The following RERE variants were observed in gnomAD, a reference collection of about 807,000 sequenced individuals.
RERE encodes arginine-glutamic acid dipeptide repeats protein.
A neutral mutation model predicts 146.1 loss-of-function variants in RERE; 40 were observed. The observed-to-expected ratio is 0.27, with a 90% CI of 0.21 to 0.36. The LOEUF is 0.36. Among genes scored for constraint, RERE ranks in the 10% least tolerant of loss-of-function variants. RERE has a pLI of 1.00. For synonymous variants in RERE, 1,003 were observed against 866.0 expected, an observed-to-expected ratio of 1.16 and a Z score of -2.78; for missense variants, 1,933 against 2,138.7, an observed-to-expected ratio of 0.90 and a Z score of 1.90.
rs3082094 is a variant in RERE, at chr1:8,601,626, CCACACACACACA to C, written c.522+12923_522+12934del. On this transcript the variant is annotated intron_variant, in intron 4 of 22. Coordinates refer to ENST00000400908, the MANE Select transcript of RERE (RefSeq NM_001042681.2). Reference sequence around the variant, plus strand: ...CCAACTGCCTTCATGTCCAAGGTCACCACACACACACACACACACACACACACACACACACAC... The same window carrying C: ...CCAACTGCCTTCATGTCCAAGGTCACCACACACACACACACACACACACAC... Among the ~76,000 whole-genome samples the C allele has an allele frequency of 5.7e-3, 539 of 94,958 alleles. 1 individual carries two copies. Among genetic ancestry groups the C allele is most frequent in the African/African-American group, 0.01 (231 of 22,912 alleles). The allele number at this position is 94,958 out of a possible 152,430, so 62.3% of individuals were successfully genotyped here. A position where few individuals can be genotyped will look rare whatever the true frequency, so the allele number is the denominator to read the frequency against.
intron 1 of RERE, among the ~76,000 whole-genome samples, chr1:8,715,801 G>A (rs1369964570): frequency 6.6e-6 from 1 of 151,656 alleles, no homozygotes; most frequent in African/African-American, 2.4e-5. Flanking sequence ...CTACTCAGGA[G>A]ACTAAGGCAG....
At chr1:8,811,457 C>A (rs1335700347) in intron 1 of RERE, among the ~76,000 whole-genome samples, 1 of 152,166 alleles carries the variant, frequency 6.6e-6, no homozygotes. Context: ...AAAAAATTAG[C>A]CAGGTGTAGT....
At chr1:8,405,666 G>T (rs1358490855) in intron 12 of RERE, among the ~76,000 whole-genome samples, 3 of 152,182 alleles carry the variant, frequency 2.0e-5, no homozygotes, top group Non-Finnish European at 4.4e-5. Context: ...TCGAGACGGA[G>T]TCTCACTCTG....
At chr1:8,762,475 T>C (rs1211271645) in intron 1 of RERE, among the ~76,000 whole-genome samples, 1 of 152,182 alleles carries the variant, frequency 6.6e-6, no homozygotes, top group Non-Finnish European at 1.5e-5. Context: ...AACATACAAA[T>C]TGTGAAGACT....
At chr1:8,738,283 C>G (rs1428868362) in intron 1 of RERE, among the ~76,000 whole-genome samples, 4 of 151,418 alleles carry the variant, frequency 2.6e-5, no homozygotes, top group African/African-American at 2.4e-5. Flanking sequence ...TGTTGTTGTT[C>G]TTTTTTTTTA....
At chr1:8,612,146 C>T (rs1289238477) in intron 4 of RERE, among the ~76,000 whole-genome samples, 2 of 152,192 alleles carry the variant, frequency 1.3e-5, no homozygotes, top group African/African-American at 4.8e-5. Flanking sequence ...TCAATGCTAT[C>T]CTATAAAAAC....
intron 1 of RERE, among the ~76,000 whole-genome samples, chr1:8,764,846 T>A (rs977363195): frequency 1.3e-5 from 2 of 152,166 alleles, no homozygotes; most frequent in Admixed American, 1.3e-4. Context: ...ACCCAGATAG[T>A]AAGTATTAGT....
chr1:8,460,083 C>A (rs983844351), intron 11 of RERE, among the ~76,000 whole-genome samples: 1 of 152,214 alleles, frequency 6.6e-6, no homozygotes, highest in Non-Finnish European at 1.5e-5. Flanking sequence ...CCTCCACAAC[C>A]TCCTGCTGCT....
At chr1:8,407,703 G>T (rs973506835) in intron 12 of RERE, among the ~76,000 whole-genome samples, 1 of 152,164 alleles carries the variant, frequency 6.6e-6, no homozygotes, top group African/African-American at 2.4e-5. Flanking sequence ...GGGGATGACT[G>T]CTGAGCTGAT....
At chr1:8,443,638 A>G (rs1231795180) in intron 11 of RERE, among the ~76,000 whole-genome samples, 1 of 152,182 alleles carries the variant, frequency 6.6e-6, no homozygotes, top group Non-Finnish European at 1.5e-5. Flanking sequence ...AGCCCCTCCC[A>G]TCATAGGATG....
At chr1:8,441,021 G>C (rs940616406) in intron 11 of RERE, among the ~76,000 whole-genome samples, 1 of 101,008 alleles carries the variant, frequency 9.9e-6, no homozygotes, top group Non-Finnish European at 1.9e-5. Flanking sequence ...GGGGTGGGGG[G>C]GCTGTTTTGC....
intron 10 of RERE, among the ~76,000 whole-genome samples, chr1:8,479,091 A>G (rs551431806): frequency 6.6e-6 from 1 of 152,236 alleles, no homozygotes; most frequent in East Asian, 1.9e-4. Context: ...CACACTTTAA[A>G]TAAGTCATAA....
rs373765149 is a variant in RERE, at chr1:8,545,308, C to T, written c.726-3990G>A. 9.5e-4 allele frequency among the ~76,000 whole-genome samples: 145 copies of T among 152,304 alleles called. 7 individuals carry two copies. The South Asian group carries it at 0.03, about 31-fold the overall frequency. On this transcript the variant is annotated intron_variant, in intron 6 of 22. Coordinates refer to ENST00000400908, the MANE Select transcript of RERE (RefSeq NM_001042681.2). ...AAGGCGTCCCGGAAATGACTCATTT[C>T]AGTAATCCTTCCGAGTGGGGCGGGC...
chr1:8,380,004 T>C (rs1642391230), intron 12 of RERE, among the ~76,000 whole-genome samples: 1 of 152,170 alleles, frequency 6.6e-6, no homozygotes, highest in Admixed American at 6.5e-5. Context: ...TCACCACTGT[T>C]GTCATGATGG....
At chr1:8,724,795 C>CTCCA (rs1639926859) in intron 1 of RERE, among the ~76,000 whole-genome samples, 1 of 149,646 alleles carries the variant, frequency 6.7e-6, no homozygotes, top group Non-Finnish European at 1.5e-5. Context: ...CACCACTGCA[C>CTCCA]TCCAGCCTGG....
chr1:8,448,290 C>T (rs1644347660), intron 11 of RERE, among the ~76,000 whole-genome samples: 1 of 152,188 alleles, frequency 6.6e-6, no homozygotes, highest in Non-Finnish European at 1.5e-5. Context: ...CAATGACTCT[C>T]CCAAGGTACA....
At chr1:8,591,625 TC>T (rs1646495266) in intron 4 of RERE, among the ~76,000 whole-genome samples, 1 of 152,140 alleles carries the variant, frequency 6.6e-6, no homozygotes, top group Non-Finnish European at 1.5e-5. Context: ...AGCAGTTGCC[TC>T]CTGGCTAAAC....
At chr1:8,510,303 A>C (rs1250090765) in intron 7 of RERE, among the ~76,000 whole-genome samples, 3 of 152,120 alleles carry the variant, frequency 2.0e-5, no homozygotes, top group African/African-American at 7.2e-5. Context: ...ACACAGAAGG[A>C]GATAATAGGC....
At chr1:8,399,405 G>C (rs1643171681) in intron 12 of RERE, among the ~76,000 whole-genome samples, 1 of 152,052 alleles carries the variant, frequency 6.6e-6, no homozygotes, top group Non-Finnish European at 1.5e-5. Flanking sequence ...CCATATGCCA[G>C]CTAAGCCCAT....
Sources: allele counts gnomAD v4.1 joint callset (sites outside exome capture counted in the v4.1 genomes callset), GRCh38; gene constraint gnomAD v4.1.1; transcripts MANE v1.5; gene names NCBI Gene and HGNC (gene_info 2026-07-23, HGNC 2026-07-21).